The following MLLT3 variants were observed in gnomAD, a reference collection of about 807,000 sequenced individuals.
MLLT3 encodes the protein protein AF-9.
Under a neutral mutation model 53.2 loss-of-function variants are expected in MLLT3, and 4 were observed. That is an observed-to-expected ratio of 0.08 (90% CI 0.04 to 0.17). The LOEUF (loss-of-function observed/expected upper bound fraction) is 0.17. Among genes scored for constraint, MLLT3 ranks in the 10% least tolerant of loss-of-function variants. The probability of loss-of-function intolerance (pLI) is 1.00; values close to 1 mark genes in which losing one functional copy is unlikely to be tolerated. For missense variants in MLLT3, 569 were observed against 684.0 expected, an observed-to-expected ratio of 0.83 and a Z score of 1.87; for synonymous variants, 283 against 230.6, an observed-to-expected ratio of 1.23 and a Z score of -2.06.
chr9:20,484,894 A>C (rs1370080102), intron 2 of MLLT3, among the ~76,000 whole-genome samples: 1 of 152,242 alleles, frequency 6.6e-6, no homozygotes, highest in Non-Finnish European at 1.5e-5. Context: ...TATTTTCAAA[A>C]GATAAGGAGT....
intron 2 of MLLT3, among the ~76,000 whole-genome samples, chr9:20,458,805 C>T (rs1824037364): frequency 6.6e-6 from 1 of 152,146 alleles, no homozygotes; most frequent in South Asian, 2.1e-4. Context: ...TGGGTAAGCA[C>T]AGTGATGTGT....
intron 5 of MLLT3, chr9:20,410,606 C>T (rs899244695): frequency 6.6e-6 from 1 of 152,078 alleles, no homozygotes; most frequent in Non-Finnish European, 1.5e-5. Context: ...AAACACCAGC[C>T]AGACATACAA....
At chr9:20,460,796 A>C (rs896944521) in intron 2 of MLLT3, among the ~76,000 whole-genome samples, 13 of 152,234 alleles carry the variant, frequency 8.5e-5, no homozygotes, top group Middle Eastern at 3.2e-3. Flanking sequence ...GTAACCCATC[A>C]AATTCTTCTC....
intron 2 of MLLT3, among the ~76,000 whole-genome samples, chr9:20,561,773 A>G (rs1396312212): frequency 2.0e-5 from 3 of 152,212 alleles, no homozygotes; most frequent in Non-Finnish European, 4.4e-5. Flanking sequence ...GCAAAACCAT[A>G]TGGCACACAG....
At chr9:20,586,701 T>C (rs1026583779) in intron 2 of MLLT3, among the ~76,000 whole-genome samples, 15 of 151,692 alleles carry the variant, frequency 9.9e-5, no homozygotes, top group African/African-American at 1.7e-4. Flanking sequence ...TTTTTACCTC[T>C]TTCCAAGGGA....
chr9:20,560,796 A>G lies in MLLT3; in HGVS notation c.193+59858T>C, dbSNP rs368666371. 1.2e-4 allele frequency among the ~76,000 whole-genome samples: 18 copies of G among 152,158 alleles called. No homozygotes were observed. The South Asian group carries it at 3.7e-3, about 32-fold the overall frequency. On this transcript the variant is annotated intron_variant, in intron 2 of 10. Transcript: ENST00000380338. ...TATTATTTTTCTTTCATTGATACAT[A>G]ATATTTTACATATTTATGGGGTACA...
intron 2 of MLLT3, among the ~76,000 whole-genome samples, chr9:20,467,253 C>T (rs1824259683): frequency 6.6e-6 from 1 of 152,062 alleles, no homozygotes; most frequent in African/African-American, 2.4e-5. Flanking sequence ...CTAGCTGGGA[C>T]TACAGGCTGC....
intron 10 of MLLT3, among the ~76,000 whole-genome samples, chr9:20,349,367 C>A (rs144549332): frequency 2.0e-5 from 3 of 152,168 alleles, no homozygotes; most frequent in African/African-American, 7.2e-5. Flanking sequence ...TTATGATTAC[C>A]TTATAAACTG....
chr9:20,406,231 G>A (rs543962870), intron 5 of MLLT3, among the ~76,000 whole-genome samples: 5 of 152,194 alleles, frequency 3.3e-5, no homozygotes, highest in South Asian at 4.1e-4. Flanking sequence ...GCCATATAGC[G>A]AGACCCTGTC....
intron 2 of MLLT3, among the ~76,000 whole-genome samples, chr9:20,496,678 G>C (rs1415049285): frequency 6.6e-6 from 1 of 152,156 alleles, no homozygotes; most frequent in Non-Finnish European, 1.5e-5. Context: ...TATGGTTCTA[G>C]GTTAAAGTTG....
At chr9:20,506,230 G>T (rs112092838) in intron 2 of MLLT3, among the ~76,000 whole-genome samples, 6 of 152,192 alleles carry the variant, frequency 3.9e-5, no homozygotes, top group African/African-American at 1.2e-4. Flanking sequence ...AGTTTGAGAC[G>T]AGGTTTCTCC....
chr9:20,536,454 T>C (rs1449789310), intron 2 of MLLT3, among the ~76,000 whole-genome samples: 9 of 152,178 alleles, frequency 5.9e-5, no homozygotes, highest in Admixed American at 5.2e-4. Flanking sequence ...TATTCAACCC[T>C]TTTCCCCACT....
intron 5 of MLLT3, among the ~76,000 whole-genome samples, chr9:20,389,648 C>T (rs575628183): frequency 2.6e-4 from 40 of 152,044 alleles, no homozygotes; most frequent in African/African-American, 9.6e-4. Context: ...CATGTGGTGG[C>T]ATGTACTTGT....
At chr9:20,486,302 C>G (rs143286877) in intron 2 of MLLT3, among the ~76,000 whole-genome samples, 66 of 151,910 alleles carry the variant, frequency 4.3e-4, no homozygotes, top group African/African-American at 1.5e-3. Flanking sequence ...ACAAAGGGCC[C>G]CATTTATAAA....
chr9:20,538,193 A>G (rs781765687), intron 2 of MLLT3, among the ~76,000 whole-genome samples: 33 of 152,188 alleles, frequency 2.2e-4, no homozygotes, highest in Non-Finnish European at 3.8e-4. Flanking sequence ...TAAAATTCAA[A>G]GTAATAAAAT....
At chr9:20,438,025 G>C (rs1490890887) in intron 4 of MLLT3, among the ~76,000 whole-genome samples, 1 of 152,210 alleles carries the variant, frequency 6.6e-6, no homozygotes, top group East Asian at 1.9e-4. Context: ...GCTTAAACCA[G>C]ACCTTTATAG....
At chr9:20,352,782 A>G (rs1253889514) in intron 10 of MLLT3, among the ~76,000 whole-genome samples, 2 of 139,088 alleles carry the variant, frequency 1.4e-5, no homozygotes, top group African/African-American at 2.9e-5. Flanking sequence ...TGAAAGTAGT[A>G]AAAAAAAAAA....
At chr9:20,390,868 C>G (rs1822161963) in intron 5 of MLLT3, among the ~76,000 whole-genome samples, 1 of 152,174 alleles carries the variant, frequency 6.6e-6, no homozygotes, top group African/African-American at 2.4e-5. Flanking sequence ...ACCCCAGCTA[C>G]TCGGGAGGCG....
At chr9:20,512,004 T>G (rs1233078592) in intron 2 of MLLT3, among the ~76,000 whole-genome samples, 1 of 152,198 alleles carries the variant, frequency 6.6e-6, no homozygotes, top group Non-Finnish European at 1.5e-5. Flanking sequence ...TAAAGCCTAG[T>G]TGACCTTGCT....
Sources: gnomAD v4.1 joint callset for allele counts (sites outside exome capture counted in the v4.1 genomes callset) on GRCh38, gnomAD v4.1.1 for gene constraint, MANE v1.5 for transcripts, NCBI Gene and HGNC (gene_info 2026-07-23, HGNC 2026-07-21) for gene names.